The following NHSL1 variants were observed in gnomAD, a reference collection of about 807,000 sequenced individuals.
NHSL1 encodes the protein NHS like 1, also known as NHS-like protein 1.
Under a neutral mutation model 95.0 loss-of-function variants are expected in NHSL1, and 48 were observed. The ratio of observed to expected loss-of-function variants is 0.51; its 90% CI spans 0.40 to 0.64. The LOEUF (loss-of-function observed/expected upper bound fraction) is 0.64. NHSL1 is among the 30% of genes least tolerant of loss of function. The probability of loss-of-function intolerance (pLI) is 0.00; values close to 1 mark genes in which losing one functional copy is unlikely to be tolerated. For synonymous variants in NHSL1, 783 were observed against 833.9 expected, an observed-to-expected ratio of 0.94 and a Z score of 1.05; for missense variants, 1,971 against 2,077.7, an observed-to-expected ratio of 0.95 and a Z score of 1.00.
chr6:138,575,781 C>T (rs1783960115), upstream of NHSL1, among the ~76,000 whole-genome samples: 1 of 152,060 alleles, frequency 6.6e-6, no homozygotes, highest in African/African-American at 2.4e-5. Context: ...ACTATATTCA[C>T]TCAAGCTATA....
chr6:138,623,888 C>T (rs776092397), intron 1 of NHSL1, among the ~76,000 whole-genome samples: 17 of 152,076 alleles, frequency 1.1e-4, no homozygotes, highest in Non-Finnish European at 1.9e-4. Flanking sequence ...TCAAGAGATC[C>T]GATGGTTTTA....
rs1024148866 is a variant in NHSL1, at chr6:138,499,200, C to T, written c.58+33G>A. ...ATACACATATGGAAACATATGCACA[C>T]AATAGGTAGTAGAGAGAAAAGGAAC... On this transcript the variant is annotated intron_variant, in intron 1 of 7. Transcript: ENST00000343505. The T allele has an allele frequency of 2.2e-6, 3 of 1,386,062 alleles. No individual in the cohort carries two copies. The African/African-American group carries it at 4.3e-5, about 20-fold the overall frequency. The allele number at this position is 1,386,062 out of a possible 1,614,324, so 85.9% of individuals were successfully genotyped here.
rs542823176 is a variant in NHSL1 at position 138,432,642 on chromosome 6, G to A, written c.1703C>T (p.Pro568Leu). The A allele has an allele frequency of 7.5e-5, 116 of 1,551,684 alleles. 2 individuals carry two copies. The South Asian group carries it at 8.0e-4, about 11-fold the overall frequency. The part of the protein sequence containing the change: ...SGNGRASPLK[P>L]HLATPGYSTP... ...GGAATAGCCAGGAGTTGCTAAATGC[G>A]GCTTCAGGGGGGATGCCCTTCCATT... is the stretch of plus-strand genomic sequence containing the variant. Residue 568 changes from proline to leucine, a missense_variant, in exon 6 of 8, where the codon CCG (proline) becomes CTG (leucine). By Grantham distance (98) the Pro-to-Leu change is moderately conservative. Around this residue, in one of 3 missense-constraint regions of NHSL1, gnomAD observed 1,602 missense variants for 1,654.5 expected, o/e 0.97. Coordinates refer to ENST00000343505, the MANE Select transcript of NHSL1 (RefSeq NM_001144060.2). This position sits in a 1 kb window ranked among gnomAD's most constrained non-coding sequence, Gnocchi z 4.4.
upstream of NHSL1, among the ~76,000 whole-genome samples, chr6:138,500,763 T>C (rs184623313): frequency 4.7e-3 from 719 of 151,848 alleles, 6 homozygotes; most frequent in African/African-American, 0.017. Flanking sequence ...AGCTTTGAAA[T>C]GATTCCTTCT....
At chr6:138,580,318 A>G (rs1784033785) in intron 1 of NHSL1, among the ~76,000 whole-genome samples, 1 of 152,208 alleles carries the variant, frequency 6.6e-6, no homozygotes, top group African/African-American at 2.4e-5. Context: ...GGAGACAGAT[A>G]TGCACAGTTA....
intron 1 of NHSL1, among the ~76,000 whole-genome samples, chr6:138,530,666 A>G (rs1028770327): frequency 6.6e-6 from 1 of 152,220 alleles, no homozygotes; most frequent in Non-Finnish European, 1.5e-5. Flanking sequence ...TTCTAAGTGA[A>G]GCAACTCAGG....
At chr6:138,448,711 G>A (rs1171148012) in intron 3 of NHSL1, among the ~76,000 whole-genome samples, 2 of 152,126 alleles carry the variant, frequency 1.3e-5, no homozygotes, top group Non-Finnish European at 2.9e-5. Context: ...TGGATTTAAG[G>A]CAAGTCTCTA....
chr6:138,518,018 A>C (rs1190062469), intron 1 of NHSL1, among the ~76,000 whole-genome samples: 1 of 152,198 alleles, frequency 6.6e-6, no homozygotes, highest in Non-Finnish European at 1.5e-5. Flanking sequence ...GGAGGAAGTC[A>C]GGTCAGATGG....
In NHSL1 at chr6:138,429,817, CG is replaced by C; in HGVS notation, c.3978del (p.Gly1327ValfsTer18). 3 of 1,551,568 alleles carry C rather than the reference CG, an allele frequency of 1.9e-6. No homozygotes were observed. The highest frequency in any genetic ancestry group is 2.6e-6 in the Non-Finnish European group (3 of 1,146,936). ...GAAGVPETNA[A>X]GSSSEACDFL... ...AAGTCACAGGCCTCTGAGGATGAAC[CG>C]GCTGCGTTGGTCTCCGGCACCCCAG... On this transcript the variant is annotated frameshift_variant, in exon 7 of 8. Coordinates refer to ENST00000343505, the MANE Select transcript of NHSL1 (RefSeq NM_001144060.2). LOFTEE classifies it high-confidence loss of function.
At chr6:138,604,814 C>T (rs1485051623) in intron 1 of NHSL1, among the ~76,000 whole-genome samples, 3 of 151,772 alleles carry the variant, frequency 2.0e-5, no homozygotes, top group African/African-American at 4.8e-5. Context: ...TTAGTAGAGA[C>T]GGGGTTTCAC....
intron 3 of NHSL1, among the ~76,000 whole-genome samples, chr6:138,452,860 G>A (rs1431130104): frequency 1.3e-5 from 2 of 151,792 alleles, no homozygotes; most frequent in Non-Finnish European, 2.9e-5. Flanking sequence ...CAGAAAAAGT[G>A]GGGGTAGTGG....
At position 138,692,272 on chromosome 6, in the gene NHSL1, C is replaced by T. The variant is rs953142586; in HGVS notation, c.96+204G>A. Reference sequence around the variant, plus strand: ...CTCTCTCGAGGTAGCCAAGACCCTCCAGGAGTCCGAAAGTCACAGAGCGCT... The same window carrying T: ...CTCTCTCGAGGTAGCCAAGACCCTCTAGGAGTCCGAAAGTCACAGAGCGCT... On this transcript the variant is annotated intron_variant, in intron 1 of 3. Coordinates refer to the NHSL1 transcript ENST00000491526. This position sits in a 1 kb window ranked among gnomAD's most constrained non-coding sequence, Gnocchi z 4.0. 1 of 429,818 alleles carries T rather than the reference C, an allele frequency of 2.3e-6. No individual in the cohort carries two copies. The highest frequency in any genetic ancestry group is 2.0e-5 in the African/African-American group (1 of 48,994). The allele number at this position is 429,818 out of a possible 1,614,324, so 26.6% of individuals were successfully genotyped here. A position where few individuals can be genotyped will look rare whatever the true frequency, so the allele number is the denominator to read the frequency against.
intron 1 of NHSL1, among the ~76,000 whole-genome samples, chr6:138,509,477 G>A (rs9376349): frequency 0.58 from 88,921 of 152,088 alleles, 27,349 homozygotes; most frequent in East Asian, 0.95. Context: ...ACTCGAAAGG[G>A]ATTTTTTAAC....
At chr6:138,448,059 G>C (rs1776978192) in intron 3 of NHSL1, among the ~76,000 whole-genome samples, 1 of 152,212 alleles carries the variant, frequency 6.6e-6, no homozygotes, top group African/African-American at 2.4e-5. Context: ...TCTGCTCTGA[G>C]CCATATCAGA....
chr6:138,650,764 G>A (rs895448688), intron 1 of NHSL1: 1 of 544,682 alleles, frequency 1.8e-6, no homozygotes. Flanking sequence ...ACTTTCTTCA[G>A]GGAAGTCTTC....
chr6:138,479,299 C>A (rs1779275659), intron 2 of NHSL1, among the ~76,000 whole-genome samples: 1 of 152,126 alleles, frequency 6.6e-6, no homozygotes. Flanking sequence ...CTTTTTAAGT[C>A]AAAAGCTTTC....
intron 1 of NHSL1, among the ~76,000 whole-genome samples, chr6:138,567,159 G>A (rs982268323): frequency 4.0e-5 from 6 of 151,652 alleles, no homozygotes; most frequent in African/African-American, 1.5e-4. Context: ...ACCTAGTCTC[G>A]CTGTGTTACC....
intron 7 of NHSL1, among the ~76,000 whole-genome samples, chr6:138,426,556 C>T (rs1775275964): frequency 6.6e-6 from 1 of 152,292 alleles, no homozygotes; most frequent in African/African-American, 2.4e-5. Flanking sequence ...ATTGGTCAGG[C>T]ATAGAGCAGG....
chr6:138,442,848 C>T (rs560714411), intron 4 of NHSL1, among the ~76,000 whole-genome samples: 10 of 152,090 alleles, frequency 6.6e-5, no homozygotes, highest in Admixed American at 3.3e-4. Flanking sequence ...TTCTTTTTTT[C>T]CTTCTAGAGT....
Sources: allele counts gnomAD v4.1 joint callset (sites outside exome capture counted in the v4.1 genomes callset), GRCh38; gene constraint gnomAD v4.1.1; regional missense constraint gnomAD v4.1.1; non-coding constraint Gnocchi (gnomAD v3.1); transcripts MANE v1.5; gene names NCBI Gene and HGNC (gene_info 2026-07-23, HGNC 2026-07-21).